Variants in VEZT observed in about 807,000 individuals in gnomAD.
VEZT encodes vezatin.
In VEZT, 39 loss-of-function variants were observed where a neutral mutation model predicts 79.9. That is an observed-to-expected ratio of 0.49 (90% CI 0.38 to 0.64). The LOEUF (loss-of-function observed/expected upper bound fraction) is 0.64, where lower values mean the gene tolerates loss of function less well. Among genes scored for constraint, VEZT ranks in the 30% least tolerant of loss-of-function variants. The pLI is 0.00. For missense variants in VEZT, 837 were observed against 893.1 expected, an observed-to-expected ratio of 0.94 and a Z score of 0.80; for synonymous variants, 325 against 327.6, an observed-to-expected ratio of 0.99 and a Z score of 0.09.
chr12:95,291,303 C>T (rs192132288), intron 9 of VEZT, among the ~76,000 whole-genome samples: 1 of 152,276 alleles, frequency 6.6e-6, no homozygotes, highest in African/African-American at 2.4e-5. Flanking sequence ...TTTATTACCT[C>T]TAGGGCCTTG....
At chr12:95,283,359 T>C (rs573285935) in intron 8 of VEZT, among the ~76,000 whole-genome samples, 9 of 152,356 alleles carry the variant, frequency 5.9e-5, no homozygotes, top group African/African-American at 2.2e-4. Flanking sequence ...GTGAAATTTT[T>C]CTCTAACAGT....
intron 1 of VEZT, among the ~76,000 whole-genome samples, chr12:95,250,171 C>T (rs1420067257): frequency 9.5e-5 from 14 of 146,704 alleles, no homozygotes; most frequent in African/African-American, 3.3e-4. Context: ...CCCATTAACT[C>T]GTCATTTAGC....
chr12:95,233,126 G>C (rs1041806302), intron 1 of VEZT, among the ~76,000 whole-genome samples: 1 of 151,978 alleles, frequency 6.6e-6, no homozygotes, highest in African/African-American at 2.4e-5. Flanking sequence ...TTTTATATGG[G>C]AAAGTGTATT....
At chr12:95,285,317 G>A (rs1566273113) in intron 8 of VEZT, among the ~76,000 whole-genome samples, 2 of 151,666 alleles carry the variant, frequency 1.3e-5, no homozygotes, top group African/African-American at 4.8e-5. Context: ...GGTGGTACAC[G>A]CCTGTAGTCC....
chr12:95,294,465 T>C, intron 10 of VEZT, 93 bp downstream of exon 10: 1 of 1,062,914 alleles, frequency 9.4e-7, no homozygotes, highest in Non-Finnish European at 1.4e-6. Flanking sequence ...TTATATCAGA[T>C]CATTAGTTCT....
chr12:95,240,916 A>G (rs2060919773), intron 1 of VEZT, among the ~76,000 whole-genome samples: 1 of 152,100 alleles, frequency 6.6e-6, no homozygotes, highest in Non-Finnish European at 1.5e-5. Context: ...TTTGGGCCAG[A>G]TAACTCTTTG....
In VEZT at chr12:95,302,343, A is replaced by C. The variant is rs1356410532; in HGVS notation, c.*1670A>C. 6.6e-6 allele frequency: 1 copy of C among 152,106 alleles called. No homozygotes were observed. Among genetic ancestry groups the C allele is most frequent in the Non-Finnish European group, 1.5e-5 (1 of 68,002 alleles). The allele number at this position is 152,106 out of a possible 1,614,324, so 9.4% of individuals were successfully genotyped here. A position where few individuals can be genotyped will look rare whatever the true frequency, so the allele number is the denominator to read the frequency against. On this transcript the variant is annotated 3_prime_UTR_variant, in exon 12 of 12. Coordinates refer to ENST00000436874, the MANE Select transcript of VEZT (RefSeq NM_017599.4). ...GGGAAAATCTTCATAAAATTGTATCAGTTTTATTCAGTGTTCTCTAAGGTG... is the reference window on the plus strand; with the variant it reads ...GGGAAAATCTTCATAAAATTGTATCCGTTTTATTCAGTGTTCTCTAAGGTG...
chr12:95,294,806 C>T (rs2073788769), intron 10 of VEZT, among the ~76,000 whole-genome samples: 1 of 152,118 alleles, frequency 6.6e-6, no homozygotes, highest in Non-Finnish European at 1.5e-5. Flanking sequence ...TTCCTTAGGT[C>T]ATATTATCTA....
Position 95,294,325 on chromosome 12 carries a change from C to T in VEZT, c.1576C>T (p.Gln526Ter). 1 of 1,593,300 alleles carries T rather than the reference C, an allele frequency of 6.3e-7. No homozygotes were observed. The highest frequency in any genetic ancestry group is 1.3e-5 in the African/African-American group (1 of 74,688). Residue 526 changes from glutamine to a stop codon, truncating the protein, a stop_gained, in exon 10 of 12, where the codon CAG (glutamine) becomes TAG (stop). Coordinates refer to ENST00000436874, the MANE Select transcript of VEZT (RefSeq NM_017599.4). LOFTEE classifies it high-confidence loss of function. ...ACATTGTACAGTAGTACCTTTGAAGCAGCCTACTCTACACATTGCAGACAA... is the reference window on the plus strand; with the variant it reads ...ACATTGTACAGTAGTACCTTTGAAGTAGCCTACTCTACACATTGCAGACAA... ...NPHCTVVPLK[Q>*]PTLHIADKDP...
At chr12:95,220,259 A>T (rs879494726) in intron 1 of VEZT, among the ~76,000 whole-genome samples, 9 of 152,160 alleles carry the variant, frequency 5.9e-5, no homozygotes, top group Admixed American at 3.3e-4. Flanking sequence ...GTTTGAGATT[A>T]GCCTGGACAA....
intron 7 of VEZT, among the ~76,000 whole-genome samples, chr12:95,281,728 T>G (rs1221285010): frequency 1.3e-5 from 2 of 152,050 alleles, no homozygotes; most frequent in Non-Finnish European, 2.9e-5. Context: ...GTATTTTTAG[T>G]AGAGACGAGG....
chr12:95,220,471 GA>G (rs1256545130), intron 1 of VEZT, among the ~76,000 whole-genome samples: 4 of 152,006 alleles, frequency 2.6e-5, no homozygotes, highest in Non-Finnish European at 5.9e-5. Flanking sequence ...AATAAAAAAT[GA>G]AAAAAGAAAC....
At chr12:95,254,363 T>C (rs1302969690) in intron 2 of VEZT, among the ~76,000 whole-genome samples, 1 of 147,290 alleles carries the variant, frequency 6.8e-6, no homozygotes, top group Non-Finnish European at 1.5e-5. Context: ...TTTTTTTTTT[T>C]TGAGACGGAG....
At chr12:95,282,276 T>G (rs772213717) in intron 7 of VEZT, 37 bp from the exon 8 acceptor site, 4 of 1,474,936 alleles carry the variant, frequency 2.7e-6, no homozygotes, top group Non-Finnish European at 3.6e-6. Context: ...TGACCAATAT[T>G]TTTATTGATC....
Position 95,240,055 on chromosome 12 carries a change from AG to A in VEZT, c.37-11883del, listed in dbSNP as rs1406225517. 6.3e-3 allele frequency among the ~76,000 whole-genome samples: 879 copies of A among 139,004 alleles called. 17 individuals carry two copies. The highest frequency in any genetic ancestry group is 0.013 in the African/African-American group (471 of 35,406). 91.2% of individuals were successfully genotyped at this position (139,004 alleles called of 152,430 possible). A position where few individuals can be genotyped will look rare whatever the true frequency, so the allele number is the denominator to read the frequency against. Reference sequence around the variant, plus strand: ...AAGGAAGGAAGGAAGGAAGGAAGGAAGGAAGGAAGGAAGGAAGGAAGAAAAG... The same window carrying A: ...AAGGAAGGAAGGAAGGAAGGAAGGAAGAAGGAAGGAAGGAAGGAAGAAAAG... On this transcript the variant is annotated intron_variant, in intron 1 of 11. Coordinates refer to ENST00000436874, the MANE Select transcript of VEZT (RefSeq NM_017599.4).
intron 3 of VEZT, chr12:95,258,395 C>G: frequency 2.4e-6 from 1 of 409,766 alleles, no homozygotes; most frequent in South Asian, 1.8e-5. Flanking sequence ...TGTGATGTTT[C>G]ACTATACAGT....
intron 11 of VEZT, among the ~76,000 whole-genome samples, chr12:95,298,574 C>T (rs558860250): frequency 6.6e-6 from 1 of 152,292 alleles, no homozygotes; most frequent in South Asian, 2.1e-4. Context: ...TTATTAGGTA[C>T]TTGTTATATG....
intron 1 of VEZT, among the ~76,000 whole-genome samples, chr12:95,221,042 C>G (rs527920669): frequency 6.6e-6 from 1 of 152,228 alleles, no homozygotes; most frequent in Non-Finnish European, 1.5e-5. Flanking sequence ...GGGGCTATGT[C>G]CTGGTATCTC....
At chr12:95,254,022 C>T (rs2137953286) in intron 2 of VEZT, among the ~76,000 whole-genome samples, 1 of 152,094 alleles carries the variant, frequency 6.6e-6, no homozygotes, top group Admixed American at 6.6e-5. Flanking sequence ...CCCCTGTCAC[C>T]CAGGCTGGAA....
Sources: gnomAD v4.1 joint callset for allele counts (sites outside exome capture counted in the v4.1 genomes callset) on GRCh38, gnomAD v4.1.1 for gene constraint, MANE v1.5 for transcripts, NCBI Gene and HGNC (gene_info 2026-07-23, HGNC 2026-07-21) for gene names.